Variants in MYLK3 observed in about 807,000 individuals in gnomAD.
MYLK3 encodes the protein myosin light chain kinase 3.
In MYLK3, 55 loss-of-function variants were observed where a neutral mutation model predicts 76.3. The observed-to-expected ratio is 0.72, with a 90% CI of 0.58 to 0.90. MYLK3 has a LOEUF of 0.90. Among genes scored for constraint, MYLK3 ranks in the 40% least tolerant of loss-of-function variants. The probability of loss-of-function intolerance (pLI) is 0.00; values close to 1 mark genes in which losing one functional copy is unlikely to be tolerated. For synonymous variants in MYLK3, 416 were observed against 425.4 expected, an observed-to-expected ratio of 0.98 and a Z score of 0.27; for missense variants, 973 against 1,053.6, an observed-to-expected ratio of 0.92 and a Z score of 1.06.
chr16:46,756,059 G>A (rs927107667), intron 1 of MYLK3, among the ~76,000 whole-genome samples: 12 of 151,942 alleles, frequency 7.9e-5, no homozygotes, highest in African/African-American at 2.9e-4. Context: ...ACAGGTACAT[G>A]CCACCACACC....
intron 4 of MYLK3, 77 bp from the exon 5 acceptor site, chr16:46,730,775 T>C (rs1204584066): frequency 9.4e-6 from 12 of 1,276,178 alleles, no homozygotes; most frequent in Non-Finnish European, 1.4e-5. Flanking sequence ...CCAGACCCAC[T>C]TAGCTTCTCT....
At chr16:46,733,739 C>T (rs989601445) in intron 3 of MYLK3, among the ~76,000 whole-genome samples, 6 of 152,094 alleles carry the variant, frequency 3.9e-5, no homozygotes, top group Admixed American at 2.6e-4. Flanking sequence ...TCCCACAGCA[C>T]GGGGTCTATG....
chr16:46,752,327 T>C (rs1486127190), upstream of MYLK3, among the ~76,000 whole-genome samples: 2 of 152,138 alleles, frequency 1.3e-5, no homozygotes, highest in Admixed American at 6.5e-5. Context: ...CTGGAACTCC[T>C]AGGCTCAAGC....
intron 4 of MYLK3, among the ~76,000 whole-genome samples, chr16:46,731,579 C>T (rs1345008483): frequency 6.6e-6 from 1 of 152,070 alleles, no homozygotes. Context: ...GGTCCGTGGA[C>T]AATTCTCAGA....
exon 1 of MYLK3, chr16:46,763,053 T>C: frequency 1.0e-6 from 1 of 985,506 alleles, no homozygotes; most frequent in Non-Finnish European, 1.2e-6. Context: ...TTTCCATCCA[T>C]GGGTCCCAAG....
chr16:46,745,447 A>T lies in MYLK3; in HGVS notation c.477+2270T>A, dbSNP rs1395485499. ...GGACAATGTGAATAACATTTGAATT[A>T]AAATAAAACAATTCTGCCAGGAGCG... On this transcript the variant is annotated intron_variant, in intron 1 of 12. Transcript: ENST00000394809. Among the ~76,000 whole-genome samples, 3 of 152,312 alleles carry T rather than the reference A, an allele frequency of 2.0e-5. No homozygotes were observed. The East Asian group carries it at 5.8e-4, about 29-fold the overall frequency.
chr16:46,759,134 G>A (rs1401442821), intron 1 of MYLK3, among the ~76,000 whole-genome samples: 6 of 152,228 alleles, frequency 3.9e-5, no homozygotes, highest in South Asian at 2.1e-4. Flanking sequence ...CTGGCTCTCC[G>A]GTGCCACTGG....
At chr16:46,719,326 CAAAA>C (rs1187916313) in intron 9 of MYLK3, among the ~76,000 whole-genome samples, 2 of 83,006 alleles carry the variant, frequency 2.4e-5, no homozygotes. Flanking sequence ...GACTCGGTCT[CAAAA>C]AAAAAAAAAA....
rs1218614176 is a variant in MYLK3 at position 46,704,661 on chromosome 16, T to C, written c.*3043A>G. 3 of 152,220 alleles carry C rather than the reference T, an allele frequency of 2.0e-5. No individual in the cohort carries two copies. Among genetic ancestry groups the C allele is most frequent in the African/African-American group, 7.2e-5 (3 of 41,454 alleles). 9.4% of individuals were successfully genotyped at this position (152,220 alleles called of 1,614,324 possible). On this transcript the variant is annotated 3_prime_UTR_variant, in exon 13 of 13. Coordinates refer to ENST00000394809, the MANE Select transcript of MYLK3 (RefSeq NM_182493.3). ...TTATATAAATTATTAAAATTGGCTT[T>C]CAATGGGTTTTGTTAGAGAAGCTAC...
intron 7 of MYLK3, among the ~76,000 whole-genome samples, chr16:46,727,864 G>A (rs1966845724): frequency 6.6e-6 from 1 of 152,138 alleles, no homozygotes; most frequent in South Asian, 2.1e-4. Context: ...GCTCCAGTCT[G>A]CTCCCAGCAA....
rs555443437 is a variant in MYLK3, at chr16:46,731,017, G to A, written c.1463-319C>T. On this transcript the variant is annotated intron_variant, in intron 4 of 12. Transcript: ENST00000394809. ...CTGTGTGGCCCACAGGAAACAGAGG[G>A]CCCATGTGGACAAGGTGATGGGGCA... Among the ~76,000 whole-genome samples, 6 of 152,338 alleles carry A rather than the reference G, an allele frequency of 3.9e-5. No individual in the cohort carries two copies. In the East Asian group the frequency reaches 1.2e-3, roughly 29 times the overall value.
At chr16:46,717,457 A>G (rs1385971929) in intron 9 of MYLK3, among the ~76,000 whole-genome samples, 1 of 152,032 alleles carries the variant, frequency 6.6e-6, no homozygotes, top group Non-Finnish European at 1.5e-5. Context: ...TCTGTGGCCT[A>G]TAGGATAATG....
At chr16:46,734,451 T>C (rs764519087) in intron 3 of MYLK3, among the ~76,000 whole-genome samples, 3 of 152,112 alleles carry the variant, frequency 2.0e-5, no homozygotes, top group Non-Finnish European at 4.4e-5. Flanking sequence ...CCATCTCTAC[T>C]AAAAATACAA....
At chr16:46,728,660 G>T (rs1966846846) in intron 7 of MYLK3, among the ~76,000 whole-genome samples, 1 of 152,202 alleles carries the variant, frequency 6.6e-6, no homozygotes, top group Non-Finnish European at 1.5e-5. Context: ...GTTCAAGGCT[G>T]CAGTGAGCTG....
rs1966674289 is a variant in MYLK3 at position 46,710,735 on chromosome 16, G to A, written c.2169C>T (p.Phe723=). The A allele has an allele frequency of 6.2e-7, 1 of 1,614,036 alleles. No homozygotes were observed. Among genetic ancestry groups the A allele is most frequent in the African/African-American group, 1.3e-5 (1 of 74,912 alleles). Residue 723 remains phenylalanine (F), a synonymous_variant, in exon 11 of 13, where the codon TTC becomes TTT. Transcript: ENST00000394809. ...CAAAATCCCAGCTACAGTTTACAAT[G>A]AAATTCATGGTCTCTGCATCTGTTT... ...LGETDAETMN[F]IVNCSWDFDA... is the part of the protein sequence containing the mutation.
chr16:46,709,847 C>G (rs562430420), intron 11 of MYLK3, among the ~76,000 whole-genome samples, 176 bp from the exon 12 acceptor site: 2 of 152,258 alleles, frequency 1.3e-5, no homozygotes, highest in Admixed American at 6.5e-5. Context: ...CTTCAAAGTG[C>G]CAGAAGGTCG....
chr16:46,730,793 C>G, intron 4 of MYLK3, 95 bp from the exon 5 acceptor site: 1 of 1,042,788 alleles, frequency 9.6e-7, no homozygotes, highest in East Asian at 2.4e-5. Context: ...TCTTGGTCCA[C>G]CAGGCCCTAT....
intron 7 of MYLK3, among the ~76,000 whole-genome samples, chr16:46,728,488 A>G (rs1176186219): frequency 6.6e-6 from 1 of 152,222 alleles, no homozygotes; most frequent in Admixed American, 6.5e-5. Context: ...TGGGAAGCTG[A>G]GGCAGAAGTA....
Position 46,740,202 on chromosome 16 carries a change from C to T in MYLK3, c.478-55G>A, listed in dbSNP as rs779469369. The stretch of plus-strand genomic sequence containing the variant: ...ATTATCATCAACATTGCCATTCAGG[C>T]CACAGACATTTGTTTAGCACCTCCC... On this transcript the variant is annotated intron_variant, in intron 1 of 12. Coordinates refer to ENST00000394809, the MANE Select transcript of MYLK3 (RefSeq NM_182493.3). 142 of 1,450,736 alleles carry T rather than the reference C, an allele frequency of 9.8e-5. 1 individual carries two copies. The highest frequency in any genetic ancestry group is 2.7e-4 in the Admixed American group (16 of 59,614). The allele number at this position is 1,450,736 out of a possible 1,614,324, so 89.9% of individuals were successfully genotyped here.
Sources: gnomAD v4.1 joint callset for allele counts (sites outside exome capture counted in the v4.1 genomes callset) on GRCh38, gnomAD v4.1.1 for gene constraint, MANE v1.5 for transcripts, NCBI Gene and HGNC (gene_info 2026-07-23, HGNC 2026-07-21) for gene names.